Variants in SDK1 observed in about 807,000 individuals in gnomAD.
SDK1 encodes sidekick cell adhesion molecule 1.
A neutral mutation model predicts 245.5 loss-of-function variants in SDK1; 157 were observed. The ratio of observed to expected loss-of-function variants is 0.64; its 90% CI spans 0.56 to 0.73. The LOEUF (loss-of-function observed/expected upper bound fraction) is 0.73, where lower values mean the gene tolerates loss of function less well. Ranked by LOEUF, SDK1 falls within the 30% of genes least tolerant of loss-of-function variation. The pLI is 0.00. For synonymous variants in SDK1, 1,647 were observed against 1,278.5 expected (o/e 1.29, Z -6.15); for missense variants, 3,583 against 3,002.3 (o/e 1.19, Z -4.52).
Position 4,049,401 on chromosome 7 carries a change from A to T in SDK1, c.2656A>T (p.Ile886Phe). The part of the protein sequence containing the change: ...VQTEAVNSTT[I>F]QFLWNPPPQQ... ...GACGGAAGCCGTGAACTCCACCACC[A>T]TTCAGTTCCTGTGGAACCCTCCGCC... is the stretch of plus-strand genomic sequence containing the variant. Residue 886 changes from isoleucine to phenylalanine, a missense_variant, in exon 18 of 45, where the codon ATT becomes TTT. Physicochemically the swap from Ile to Phe is conservative, Grantham distance 21 (BLOSUM62 0). Coordinates refer to ENST00000404826, the MANE Select transcript of SDK1 (RefSeq NM_152744.4). 6.2e-7 allele frequency: 1 copy of T among 1,614,070 alleles called. No homozygotes were observed. The highest frequency in any genetic ancestry group is 8.5e-7 in the Non-Finnish European group (1 of 1,180,006).
intron 5 of SDK1, among the ~76,000 whole-genome samples, chr7:3,847,742 T>C (rs542817569): frequency 4.6e-5 from 7 of 152,370 alleles, no homozygotes; most frequent in African/African-American, 1.7e-4. Flanking sequence ...TTGCAAGGAA[T>C]ATTTACTGTA....
chr7:3,714,853 A>T (rs894863588), intron 4 of SDK1, among the ~76,000 whole-genome samples: 2 of 152,218 alleles, frequency 1.3e-5, no homozygotes, highest in South Asian at 2.1e-4. Context: ...GGTTCTAATT[A>T]AGTGCAAATT....
chr7:3,507,645 A>G (rs772267995), intron 1 of SDK1, among the ~76,000 whole-genome samples: 35 of 152,284 alleles, frequency 2.3e-4, no homozygotes, highest in Non-Finnish European at 5.1e-4. Context: ...TCTCATGTCC[A>G]CAACAAAGCC....
At chr7:3,536,053 G>A (rs939989422) in intron 1 of SDK1, among the ~76,000 whole-genome samples, 4 of 146,540 alleles carry the variant, frequency 2.7e-5, no homozygotes, top group Non-Finnish European at 1.5e-5. Flanking sequence ...ACTTGTGCTG[G>A]CAGAATAATT....
intron 1 of SDK1, among the ~76,000 whole-genome samples, chr7:3,537,097 A>C (rs949056062): frequency 6.6e-5 from 10 of 152,176 alleles, no homozygotes; most frequent in African/African-American, 2.4e-4. Context: ...AATCTCATAA[A>C]ATTCCCTTAA....
chr7:3,900,990 G>A (rs536693181), intron 5 of SDK1, among the ~76,000 whole-genome samples: 27 of 151,446 alleles, frequency 1.8e-4, no homozygotes, highest in East Asian at 3.9e-4. Flanking sequence ...CAATTCTAGC[G>A]TCCAATTAAG....
intron 1 of SDK1, among the ~76,000 whole-genome samples, chr7:3,395,533 T>G: frequency 6.6e-6 from 1 of 151,914 alleles, no homozygotes; most frequent in Admixed American, 6.6e-5. Flanking sequence ...TAAATCTACT[T>G]CTTATACTTC....
chr7:3,866,496 G>A (rs570735582), intron 5 of SDK1, among the ~76,000 whole-genome samples: 46 of 152,326 alleles, frequency 3.0e-4, no homozygotes, highest in Non-Finnish European at 5.1e-4. Context: ...TTTTTTGTGT[G>A]TAGGGAAAGA....
chr7:3,793,396 C>G (rs986704135), intron 4 of SDK1, among the ~76,000 whole-genome samples: 7 of 152,136 alleles, frequency 4.6e-5, no homozygotes, highest in African/African-American at 1.4e-4. Context: ...ATCTTATGCT[C>G]TACAAGAAAA....
At chr7:4,260,938 A>G (rs953130078) in intron 44 of SDK1, among the ~76,000 whole-genome samples, 1 of 152,200 alleles carries the variant, frequency 6.6e-6, no homozygotes, top group Non-Finnish European at 1.5e-5. Flanking sequence ...CAATTCTCCT[A>G]AATGCAGAGG....
intron 25 of SDK1, among the ~76,000 whole-genome samples, chr7:4,123,015 G>T (rs1005226692): frequency 6.6e-6 from 1 of 152,188 alleles, no homozygotes; most frequent in Non-Finnish European, 1.5e-5. Flanking sequence ...GTTGGTGTCC[G>T]AATTGCTGCA....
intron 32 of SDK1, among the ~76,000 whole-genome samples, chr7:4,169,254 C>T (rs1314289758): frequency 6.6e-6 from 1 of 152,250 alleles, no homozygotes; most frequent in Non-Finnish European, 1.5e-5. Flanking sequence ...AAGCTCCGTT[C>T]TGGCCAGTCT....
chr7:4,163,472 G>A (rs671474), intron 32 of SDK1, among the ~76,000 whole-genome samples: 40,760 of 151,984 alleles, frequency 0.27, 6,885 homozygotes, highest in African/African-American at 0.48. Context: ...TGTGGAAAGT[G>A]GGGGCTGCGG....
At chr7:3,848,797 G>A (rs1194435988) in intron 5 of SDK1, among the ~76,000 whole-genome samples, 1 of 151,824 alleles carries the variant, frequency 6.6e-6, no homozygotes, top group East Asian at 1.9e-4. Context: ...TCAGCTTCCC[G>A]AGTAGCTGGG....
intron 1 of SDK1, among the ~76,000 whole-genome samples, chr7:3,481,178 A>G (rs1296114097): frequency 6.6e-6 from 1 of 152,210 alleles, no homozygotes; most frequent in Admixed American, 6.5e-5. Flanking sequence ...GGCAATTTAA[A>G]AAGTTGTTTT....
intron 44 of SDK1, among the ~76,000 whole-genome samples, chr7:4,259,901 C>G (rs544370324): frequency 2.6e-4 from 40 of 152,326 alleles, no homozygotes; most frequent in Non-Finnish European, 4.6e-4. Flanking sequence ...CCCACCCAGC[C>G]TCTCTCGCTG....
chr7:3,584,737 T>TTC (rs1266181272), intron 1 of SDK1, among the ~76,000 whole-genome samples: 1 of 151,552 alleles, frequency 6.6e-6, no homozygotes, highest in African/African-American at 2.4e-5. Flanking sequence ...CGTTATTTTT[T>TTC]TTTTTTGAGA....
At chr7:4,017,793 G>A (rs1024492436) in intron 17 of SDK1, among the ~76,000 whole-genome samples, 35 of 152,142 alleles carry the variant, frequency 2.3e-4, no homozygotes, top group Non-Finnish European at 4.6e-4. Context: ...AATTTGCAAC[G>A]TGGTACTTTT....
At position 3,936,053 on chromosome 7, in the gene SDK1, C is replaced by A. The variant is rs1780147713; in HGVS notation, c.848-14870C>A. Among the ~76,000 whole-genome samples the A allele has an allele frequency of 3.9e-5, 6 of 152,204 alleles. No homozygotes were observed. The South Asian group carries it at 1.2e-3, about 31-fold the overall frequency. ...TCCACCCACACAGTGGAATACGATT[C>A]ATTCTTGAAAAGGAAGGACATTCTG... On this transcript the variant is annotated intron_variant, in intron 5 of 44. Coordinates refer to ENST00000404826, the MANE Select transcript of SDK1 (RefSeq NM_152744.4).
Sources: gnomAD v4.1 joint callset for allele counts (sites outside exome capture counted in the v4.1 genomes callset) on GRCh38, gnomAD v4.1.1 for gene constraint, MANE v1.5 for transcripts, NCBI Gene and HGNC (gene_info 2026-07-23, HGNC 2026-07-21) for gene names.